The following TEAD3 variants were observed in gnomAD, a reference collection of about 807,000 sequenced individuals.
TEAD3 encodes the protein TEA domain transcription factor 3.
TEAD3 carries 15 observed loss-of-function variants against 55.6 expected under a neutral mutation model. The observed-to-expected ratio is 0.27, with a 90% CI of 0.18 to 0.42. TEAD3 has a LOEUF of 0.42. Ranked by LOEUF, TEAD3 falls within the 10% of genes least tolerant of loss-of-function variation. TEAD3 has a pLI of 1.00. For missense variants in TEAD3, 407 were observed against 576.8 expected, an observed-to-expected ratio of 0.71 and a Z score of 3.01; for synonymous variants, 210 against 232.2, an observed-to-expected ratio of 0.90 and a Z score of 0.87.
chr6:35,495,813 C>G (rs1285655004), intron 1 of TEAD3, among the ~76,000 whole-genome samples: 2 of 152,204 alleles, frequency 1.3e-5, no homozygotes, highest in South Asian at 4.1e-4. Flanking sequence ...CCCCTCTGAG[C>G]TGTGTCCAGC....
In TEAD3 at chr6:35,484,739, G is replaced by A; in HGVS notation, c.203-115C>T. ...ACCCTCCCCAAAACACTGCTCTTCT[G>A]TTCCTCACTCTCTTCACCCCAAGCT... On this transcript the variant is annotated intron_variant, in intron 2 of 12. Transcript: ENST00000639578. The surrounding 1 kb of genome is among the most constrained non-coding windows in gnomAD (Gnocchi z 5.8). 2.2e-6 allele frequency: 2 copies of A among 897,798 alleles called. No homozygotes were observed. The highest frequency in any genetic ancestry group is 1.8e-6 in the Non-Finnish European group (1 of 564,306). 55.6% of individuals were successfully genotyped at this position (897,798 alleles called of 1,614,324 possible). A position where few individuals can be genotyped will look rare whatever the true frequency, so the allele number is the denominator to read the frequency against.
chr6:35,479,170 G>A (rs535113554), intron 5 of TEAD3, 135 bp downstream of exon 5: 21 of 1,155,114 alleles, frequency 1.8e-5, no homozygotes, highest in African/African-American at 7.7e-5. Context: ...GAGCCACCAC[G>A]CCCAGCCATT....
At position 35,484,312 on chromosome 6, in the gene TEAD3, A is replaced by G. The variant is rs1014746420; in HGVS notation, c.267+248T>C. ...GGTCCCTGAACCACAGGCCCTGGGC[A>G]GGGTAGTAGGTGGTCAGAGAGGACA... On this transcript the variant is annotated intron_variant, in intron 3 of 12. Transcript: ENST00000639578. The surrounding 1 kb of genome is among the most constrained non-coding windows in gnomAD (Gnocchi z 5.8). Among the ~76,000 whole-genome samples the G allele has an allele frequency of 1.3e-5, 2 of 152,112 alleles. No individual in the cohort carries two copies. The highest frequency in any genetic ancestry group is 4.8e-5 in the African/African-American group (2 of 41,416).
chr6:35,475,143 C>T lies in TEAD3; in HGVS notation c.1209G>A (p.Arg403=). The change falls in exon 13 of 13, where the codon CGG becomes CGA. Residue 403 remains arginine (R), a synonymous_variant. Transcript: ENST00000639578. The surrounding 1 kb of genome is among the most constrained non-coding windows in gnomAD (Gnocchi z 5.4). ...TGACAAGCAGGGTCTCCTGGGAGTCCCGGCTCGTGACCACCTGGGGGGTGA... is the reference window on the plus strand; with the variant it reads ...TGACAAGCAGGGTCTCCTGGGAGTCTCGGCTCGTGACCACCTGGGGGGTGA... 1 of 1,582,060 alleles carries T rather than the reference C, an allele frequency of 6.3e-7. No individual in the cohort carries two copies. Among genetic ancestry groups the T allele is most frequent in the Non-Finnish European group, 8.6e-7 (1 of 1,163,744 alleles).
intron 1 of TEAD3, among the ~76,000 whole-genome samples, chr6:35,493,768 C>G (rs891760800): frequency 1.3e-5 from 2 of 152,248 alleles, no homozygotes; most frequent in Non-Finnish European, 2.9e-5. Context: ...TTCTCACGCA[C>G]ACGCGCCCGC....
chr6:35,475,543 A>T lies in TEAD3; in HGVS notation c.1041+23T>A. 6.2e-7 allele frequency: 1 copy of T among 1,603,972 alleles called. No homozygotes were observed. The highest frequency in any genetic ancestry group is 2.2e-5 in the East Asian group (1 of 44,728). On this transcript the variant is annotated intron_variant, in intron 11 of 12. Coordinates refer to ENST00000639578, the Ensembl canonical transcript of TEAD3. The surrounding 1 kb of genome is among the most constrained non-coding windows in gnomAD (Gnocchi z 5.4). ...GGCCTGCCTGCTCCCAGCCCCACCA[A>T]GCCACCCAGAGCCCCCACTCACCTC...
In TEAD3 at chr6:35,480,171, A is replaced by G. The variant is rs1768237705; in HGVS notation, c.268-49T>C. On this transcript the variant is annotated intron_variant, in intron 3 of 12. Transcript: ENST00000639578. ...AAAAGAACAGAAAGAGCGGAAGGAGAGGCAGAAACAGAGCTTCAGCCAGAA... is the reference window on the plus strand; with the variant it reads ...AAAAGAACAGAAAGAGCGGAAGGAGGGGCAGAAACAGAGCTTCAGCCAGAA... 3 of 1,550,074 alleles carry G rather than the reference A, an allele frequency of 1.9e-6. No individual in the cohort carries two copies. In the East Asian group the frequency reaches 7.3e-5, roughly 38 times the overall value.
intron 1 of TEAD3, among the ~76,000 whole-genome samples, chr6:35,493,695 C>T (rs1319068936): frequency 6.6e-6 from 1 of 152,260 alleles, no homozygotes; most frequent in East Asian, 1.9e-4. Context: ...TGCGTCACAA[C>T]ATGCAGGTCA....
chr6:35,483,934 A>G lies in TEAD3; in HGVS notation c.267+626T>C, dbSNP rs1768315094. On this transcript the variant is annotated intron_variant, in intron 3 of 12. Coordinates refer to ENST00000639578, the Ensembl canonical transcript of TEAD3. This position sits in a 1 kb window ranked among gnomAD's most constrained non-coding sequence, Gnocchi z 4.5. ...GGTTACTGAGAGGATGAAATAAATT[A>G]ACTTAAAGGAAGCTCTGTATGGGTT... 6.6e-6 allele frequency among the ~76,000 whole-genome samples: 1 copy of G among 152,156 alleles called. No individual in the cohort carries two copies. The highest frequency in any genetic ancestry group is 2.4e-5 in the African/African-American group (1 of 41,434).
chr6:35,475,012 C>A lies in TEAD3; in HGVS notation c.*32G>T, dbSNP rs756294663. On this transcript the variant is annotated 3_prime_UTR_variant, in exon 13 of 13. Transcript: ENST00000639578. The surrounding 1 kb of genome is among the most constrained non-coding windows in gnomAD (Gnocchi z 5.4). Reference sequence around the variant, plus strand: ...GGCAGGTGTGGAGAGGAGATGCTCACCCTGCATCCTTAAGGAGGCGCAGAG... The same window carrying A: ...GGCAGGTGTGGAGAGGAGATGCTCAACCTGCATCCTTAAGGAGGCGCAGAG... The A allele has an allele frequency of 1.3e-6, 2 of 1,492,728 alleles. No homozygotes were observed. The highest frequency in any genetic ancestry group is 2.4e-5 in the East Asian group (1 of 41,030). The allele number at this position is 1,492,728 out of a possible 1,614,324, so 92.5% of individuals were successfully genotyped here.
intron 3 of TEAD3, among the ~76,000 whole-genome samples, chr6:35,482,072 C>T (rs1487948824): frequency 6.6e-6 from 1 of 152,140 alleles, no homozygotes; most frequent in Non-Finnish European, 1.5e-5. Flanking sequence ...GCAACCTCTG[C>T]CTCCTGGGTT....
intron 1 of TEAD3, among the ~76,000 whole-genome samples, chr6:35,492,509 G>A (rs372712265): frequency 2.0e-5 from 3 of 152,164 alleles, no homozygotes; most frequent in Admixed American, 6.5e-5. Flanking sequence ...GGCTGGGGAG[G>A]GCTTCCCTCC....
At chr6:35,493,998 G>C (rs899205791) in intron 1 of TEAD3, among the ~76,000 whole-genome samples, 1 of 152,190 alleles carries the variant, frequency 6.6e-6, no homozygotes, top group African/African-American at 2.4e-5. Context: ...CACATGAAGA[G>C]TCACCCAGTT....
intron 1 of TEAD3, among the ~76,000 whole-genome samples, chr6:35,493,225 A>G (rs1012956714): frequency 6.6e-6 from 1 of 152,204 alleles, no homozygotes; most frequent in African/African-American, 2.4e-5. Flanking sequence ...CATCAAGTTT[A>G]CCATTTTAGC....
intron 1 of TEAD3, among the ~76,000 whole-genome samples, chr6:35,489,196 TCA>T (rs1300621763): frequency 6.6e-6 from 1 of 152,258 alleles, no homozygotes; most frequent in Non-Finnish European, 1.5e-5. Flanking sequence ...TTCTGGGATT[TCA>T]CACACATTGA....
In TEAD3 at chr6:35,491,033, C is replaced by G. The variant is rs1404923914; in HGVS notation, c.-49-4322G>C. On this transcript the variant is annotated intron_variant, in intron 1 of 12. Coordinates refer to ENST00000639578, the Ensembl canonical transcript of TEAD3. The surrounding 1 kb of genome is among the most constrained non-coding windows in gnomAD (Gnocchi z 4.4). ...TGGGGCCTGAGACAGACAGGAGGGGCAGGGGAGACAGGCTGGGGGAGAGTC... is the reference window on the plus strand; with the variant it reads ...TGGGGCCTGAGACAGACAGGAGGGGGAGGGGAGACAGGCTGGGGGAGAGTC... 6.7e-6 allele frequency among the ~76,000 whole-genome samples: 1 copy of G among 149,822 alleles called. No individual in the cohort carries two copies. Among genetic ancestry groups the G allele is most frequent in the Non-Finnish European group, 1.5e-5 (1 of 67,456 alleles).
At chr6:35,478,633 G>A (rs771860268) in intron 5 of TEAD3, 62 bp from the exon 6 acceptor site, 9 of 1,531,408 alleles carry the variant, frequency 5.9e-6, no homozygotes, top group East Asian at 2.5e-5. Context: ...TTGCTTTAGC[G>A]CCCCTCCCAT....
At chr6:35,478,694 A>G in intron 5 of TEAD3, 123 bp from the exon 6 acceptor site, 4 of 1,298,608 alleles carry the variant, frequency 3.1e-6, no homozygotes, top group Non-Finnish European at 4.1e-6. Flanking sequence ...CTGAAGATCC[A>G]GGCCTGGATT....
rs75480498 is a variant in TEAD3 at position 35,486,777 on chromosome 6, C to T, written c.-49-66G>A. 5.2e-4 allele frequency: 597 copies of T among 1,157,096 alleles called. 4 individuals are homozygous for T. In the East Asian group the frequency reaches 0.011, roughly 21 times the overall value. 71.7% of individuals were successfully genotyped at this position (1,157,096 alleles called of 1,614,324 possible). A position where few individuals can be genotyped will look rare whatever the true frequency, so the allele number is the denominator to read the frequency against. On this transcript the variant is annotated intron_variant, in intron 1 of 12. Transcript: ENST00000639578. The surrounding 1 kb of genome is among the most constrained non-coding windows in gnomAD (Gnocchi z 7.3). ...TCGACCACAGCAATCTCCTATCCCA[C>T]AGCCGCTGGCTCTGGAGCTCCGCCC...
Sources: gnomAD v4.1 joint callset for allele counts (sites outside exome capture counted in the v4.1 genomes callset) on GRCh38, gnomAD v4.1.1 for gene constraint, Gnocchi (gnomAD v3.1) non-coding constraint, MANE v1.5 for transcripts, NCBI Gene and HGNC (gene_info 2026-07-23, HGNC 2026-07-21) for gene names.